ZC3H7A: variants seen among roughly 807,000 people sequenced by gnomAD.
The protein encoded by ZC3H7A is zinc finger CCCH domain-containing protein 7A.
A neutral mutation model predicts 125.5 loss-of-function variants in ZC3H7A; 44 were observed. The observed-to-expected ratio is 0.35, with a 90% CI of 0.28 to 0.45. The LOEUF is 0.45. Ranked by LOEUF, ZC3H7A falls within the 20% of genes least tolerant of loss-of-function variation. The pLI, the probability that ZC3H7A is intolerant of heterozygous loss-of-function variation, is 1.00. For missense variants in ZC3H7A, 977 were observed against 1,170.7 expected (o/e 0.83, Z 2.41); for synonymous variants, 399 against 391.2 (o/e 1.02, Z -0.23).
intron 19 of ZC3H7A, chr16:11,758,866 A>G (rs1373056669): frequency 1.5e-5 from 4 of 263,508 alleles, no homozygotes; most frequent in African/African-American, 9.4e-5. Context: ...TCAGTCTGAC[A>G]GCTCCTGTTT....
Position 11,758,468 on chromosome 16 carries a change from C to T in ZC3H7A, c.2391G>A (p.Glu797=), listed in dbSNP as rs1426792503. Reference sequence around the variant, plus strand: ...TCATGTAAGTCCAAACTTCTCTTTCCTCAGGACTATGAGCAAAGGAACAGT... The same window carrying T: ...TCATGTAAGTCCAAACTTCTCTTTCTTCAGGACTATGAGCAAAGGAACAGT... ...VGNCSFAHSP[E]EREVWTYMKE... is the part of the protein sequence containing the mutation. The change falls in exon 20 of 23, where the codon GAG becomes GAA. Residue 797 remains glutamate (E), a synonymous_variant. Transcript: ENST00000355758. 1 of 1,613,920 alleles carries T rather than the reference C, an allele frequency of 6.2e-7. No individual in the cohort carries two copies. Among genetic ancestry groups the T allele is most frequent in the East Asian group, 2.2e-5 (1 of 44,884 alleles).
chr16:11,765,367 T>TA lies in ZC3H7A; in HGVS notation c.1719+121dup. On this transcript the variant is annotated intron_variant, in intron 14 of 22. Transcript: ENST00000355758. This position sits in a 1 kb window ranked among gnomAD's most constrained non-coding sequence, Gnocchi z 4.8. ...TTTTATTCATAAATATGATATTATT[T>TA]ATCATATAAATAAATGAATATTTAT... The TA allele has an allele frequency of 1.5e-6, 1 of 667,062 alleles. No homozygotes were observed. Among genetic ancestry groups the TA allele is most frequent in the Admixed American group, 3.5e-5 (1 of 28,454 alleles). 41.3% of individuals were successfully genotyped at this position (667,062 alleles called of 1,614,324 possible). A position where few individuals can be genotyped will look rare whatever the true frequency, so the allele number is the denominator to read the frequency against.
At chr16:11,769,261 T>G (rs182482413) in intron 10 of ZC3H7A, among the ~76,000 whole-genome samples, 166 bp from the exon 11 acceptor site, 173 of 152,328 alleles carry the variant, frequency 1.1e-3, no homozygotes, top group African/African-American at 3.7e-3. Context: ...CTAGAGTCTC[T>G]GCTTTCCTCT....
At chr16:11,777,959 C>T (rs1190704448) in intron 4 of ZC3H7A, among the ~76,000 whole-genome samples, 1 of 147,150 alleles carries the variant, frequency 6.8e-6, no homozygotes, top group African/African-American at 2.5e-5. Flanking sequence ...ACGGAGGTTA[C>T]GGTGAGCCAA....
In ZC3H7A at chr16:11,788,281, C is replaced by A. The variant is rs373155664; in HGVS notation, c.-34-5893G>T. On this transcript the variant is annotated intron_variant, in intron 1 of 22. Transcript: ENST00000355758. ...CCACAGACCTCTCACCTTGAGAGCCCTGAGGACCCACTCTTGAGATCTCCC... is the reference window on the plus strand; with the variant it reads ...CCACAGACCTCTCACCTTGAGAGCCATGAGGACCCACTCTTGAGATCTCCC... 5.3e-5 allele frequency among the ~76,000 whole-genome samples: 8 copies of A among 152,158 alleles called. No homozygotes were observed. In the South Asian group the frequency reaches 1.0e-3, roughly 20 times the overall value.
intron 16 of ZC3H7A, chr16:11,763,031 CAA>C (rs1412732493): frequency 9.1e-6 from 3 of 330,346 alleles, no homozygotes; most frequent in South Asian, 1.2e-4. Flanking sequence ...CTCTAAAAAT[CAA>C]AAGTTTGAAG....
At chr16:11,771,502 T>C (rs776348913) in intron 9 of ZC3H7A, among the ~76,000 whole-genome samples, 1 of 151,976 alleles carries the variant, frequency 6.6e-6, no homozygotes, top group Non-Finnish European at 1.5e-5. Context: ...AGGTGGGATG[T>C]CTAACTTTTT....
rs34972921 is a variant in ZC3H7A, at chr16:11,791,088, AACACACACACAC to A, written c.-35+6024_-35+6035del. ...CCCTGTCTCTAAAATAAATTTTTAA[AACACACACACAC>A]ACACACACACACACACACACACACA... On this transcript the variant is annotated intron_variant, in intron 1 of 22. Coordinates refer to ENST00000355758, the MANE Select transcript of ZC3H7A (RefSeq NM_014153.4). Among the ~76,000 whole-genome samples the A allele has an allele frequency of 4.9e-4, 67 of 136,112 alleles. 1 individual carries two copies. The South Asian group carries it at 8.4e-3, about 17-fold the overall frequency. 89.3% of individuals were successfully genotyped at this position (136,112 alleles called of 152,430 possible). A position where few individuals can be genotyped will look rare whatever the true frequency, so the allele number is the denominator to read the frequency against.
intron 1 of ZC3H7A, among the ~76,000 whole-genome samples, chr16:11,793,732 G>T (rs1233921822): frequency 1.3e-5 from 2 of 152,178 alleles, no homozygotes; most frequent in Admixed American, 1.3e-4. Flanking sequence ...TGGGGCACAA[G>T]GCAAGCCTCA....
chr16:11,754,710 G>A (rs929126771), intron 21 of ZC3H7A, among the ~76,000 whole-genome samples: 3 of 151,736 alleles, frequency 2.0e-5, no homozygotes, highest in Non-Finnish European at 4.4e-5. Flanking sequence ...TGACCAACAT[G>A]GTGAAACTCC....
intron 20 of ZC3H7A, 87 bp downstream of exon 20, chr16:11,758,344 G>A (rs1018076397): frequency 3.1e-6 from 3 of 972,852 alleles, no homozygotes; most frequent in African/African-American, 1.6e-5. Context: ...ACTGCTTTCT[G>A]TGTTCACAGG....
intron 9 of ZC3H7A, 113 bp downstream of exon 9, chr16:11,774,123 A>C: frequency 6.7e-6 from 7 of 1,047,096 alleles, no homozygotes; most frequent in Non-Finnish European, 8.8e-6. Flanking sequence ...AAGGTTAAAA[A>C]AACCCCCAAA....
intron 10 of ZC3H7A, among the ~76,000 whole-genome samples, chr16:11,769,779 G>GTTTTTTTTTTTT (rs2052942203): frequency 3.1e-5 from 2 of 63,544 alleles, no homozygotes; most frequent in Non-Finnish European, 5.2e-5. Flanking sequence ...GTTTTCAATT[G>GTTTTTTTTTTTT]CTTTCTTTTT....
intron 1 of ZC3H7A, among the ~76,000 whole-genome samples, chr16:11,786,575 AG>A (rs2053260131): frequency 6.6e-6 from 1 of 152,226 alleles, no homozygotes. Flanking sequence ...TGACACCACA[AG>A]TAAGTGATTG....
At chr16:11,781,776 G>C (rs2053177687) in intron 2 of ZC3H7A, among the ~76,000 whole-genome samples, 1 of 151,790 alleles carries the variant, frequency 6.6e-6, no homozygotes, top group Non-Finnish European at 1.5e-5. Context: ...GTTAAAAATA[G>C]TACAGAGCCA....
rs559446212 is a variant in ZC3H7A, at chr16:11,753,399, A to T, written c.2563-567T>A. ...ATAATTATCTGCAACACTGGGTAAA[A>T]ACAGATTTGAACTCATTCATTGTGG... On this transcript the variant is annotated intron_variant, in intron 21 of 22. Transcript: ENST00000355758. 4.1e-4 allele frequency among the ~76,000 whole-genome samples: 62 copies of T among 152,340 alleles called. 1 individual carries two copies. Among genetic ancestry groups the T allele is most frequent in the African/African-American group, 1.5e-3 (61 of 41,582 alleles).
intron 10 of ZC3H7A, among the ~76,000 whole-genome samples, chr16:11,770,426 G>A (rs1324172977): frequency 6.6e-6 from 1 of 152,144 alleles, no homozygotes; most frequent in Non-Finnish European, 1.5e-5. Flanking sequence ...TGTTTGCCTA[G>A]ATCAGAATTT....
At chr16:11,760,503 G>A (rs1202202031) in intron 19 of ZC3H7A, among the ~76,000 whole-genome samples, 2 of 152,190 alleles carry the variant, frequency 1.3e-5, no homozygotes, top group Non-Finnish European at 2.9e-5. Context: ...TTACAAAACT[G>A]CAAGGTACTG....
At chr16:11,752,199 C>A (rs1457178997) in intron 22 of ZC3H7A, among the ~76,000 whole-genome samples, 1 of 152,196 alleles carries the variant, frequency 6.6e-6, no homozygotes, top group African/African-American at 2.4e-5. Context: ...GCCACCATGC[C>A]CGGCTGCGTT....
Sources: allele counts gnomAD v4.1 joint callset (sites outside exome capture counted in the v4.1 genomes callset), GRCh38; gene constraint gnomAD v4.1.1; non-coding constraint Gnocchi (gnomAD v3.1); transcripts MANE v1.5; gene names NCBI Gene and HGNC (gene_info 2026-07-23, HGNC 2026-07-21).